The following SDC3 variants were observed in gnomAD, a reference collection of about 807,000 sequenced individuals.
SDC3 encodes syndecan 3.
In SDC3, 13 loss-of-function variants were observed where a neutral mutation model predicts 24.4. The ratio of observed to expected loss-of-function variants is 0.53; its 90% CI spans 0.35 to 0.85. The LOEUF is 0.85. Among genes scored for constraint, SDC3 ranks in the 40% least tolerant of loss-of-function variants. SDC3 has a pLI of 0.01. For missense variants in SDC3, 571 were observed against 584.5 expected (o/e 0.98, Z 0.24); for synonymous variants, 295 against 260.9 (o/e 1.13, Z -1.26).
intron 1 of SDC3, among the ~76,000 whole-genome samples, chr1:30,896,836 G>C (rs541402006): frequency 1.3e-5 from 2 of 152,260 alleles, no homozygotes; most frequent in African/African-American, 4.8e-5. Flanking sequence ...GGTGGCATGG[G>C]CCTGTAGTTC....
chr1:30,906,993 G>C (rs897643082), intron 1 of SDC3, among the ~76,000 whole-genome samples: 4 of 152,174 alleles, frequency 2.6e-5, no homozygotes, highest in African/African-American at 9.7e-5. Context: ...CCAGCTGACA[G>C]CCCCCTAGAT....
At position 30,878,676 on chromosome 1, in the gene SDC3, T is replaced by C. The variant is rs961327395; in HGVS notation, c.203A>G (p.Asp68Gly). Residue 68 changes from aspartate to glycine, a missense_variant, in exon 2 of 5, where the codon GAC becomes GGC. By Grantham distance (94) the Asp-to-Gly change is moderately conservative. Coordinates refer to ENST00000339394, the MANE Select transcript of SDC3 (RefSeq NM_014654.4). Reference protein sequence around the residue: ...PVDLEGSGDDDSFPDDELDDL... With the variant: ...PVDLEGSGDDGSFPDDELDDL... ...ATCCAGTTCATCATCGGGAAAGGAG[T>C]CATCATCCCCAGAGCCCTCCAGGTC... The C allele has an allele frequency of 8.1e-6, 13 of 1,613,344 alleles. No individual in the cohort carries two copies. The highest frequency in any genetic ancestry group is 1.1e-5 in the Non-Finnish European group (13 of 1,179,824).
At chr1:30,887,261 C>T (rs1261074007) in intron 1 of SDC3, among the ~76,000 whole-genome samples, 1 of 151,960 alleles carries the variant, frequency 6.6e-6, no homozygotes, top group Admixed American at 6.6e-5. Flanking sequence ...CCAGCAAACA[C>T]GGCAAGGGTT....
intron 1 of SDC3, among the ~76,000 whole-genome samples, chr1:30,881,695 C>T (rs1196001303): frequency 6.6e-6 from 1 of 152,244 alleles, no homozygotes; most frequent in Admixed American, 6.5e-5. Context: ...CTGCTGAGGG[C>T]CTGCCCCAGG....
chr1:30,870,078 A>T lies in SDC3; in HGVS notation c.*3133T>A. On this transcript the variant is annotated 3_prime_UTR_variant, in exon 5 of 5. Coordinates refer to ENST00000339394, the MANE Select transcript of SDC3 (RefSeq NM_014654.4). ...GTAGTTGTTGGGAGAAGAAATCCAG[A>T]GAACACAGGAGGCAGCCACTCCTAC... 1 of 396,440 alleles carries T rather than the reference A, an allele frequency of 2.5e-6. No homozygotes were observed. The highest frequency in any genetic ancestry group is 4.4e-6 in the Non-Finnish European group (1 of 225,270). The allele number at this position is 396,440 out of a possible 1,614,324, so 24.6% of individuals were successfully genotyped here.
intron 1 of SDC3, among the ~76,000 whole-genome samples, chr1:30,893,313 C>CA (rs1553139118): frequency 7.9e-6 from 1 of 127,148 alleles, no homozygotes; most frequent in Admixed American, 7.4e-5. Flanking sequence ...GCCCCCCCCC[C>CA]CCCCACCATG....
Position 30,873,175 on chromosome 1 carries a change from G to A in SDC3, c.*36C>T, listed in dbSNP as rs1351417109. On this transcript the variant is annotated 3_prime_UTR_variant, in exon 5 of 5. Transcript: ENST00000339394. ...GCCAGGCTGGGGACTGGACAGCAGG[G>A]TGGTGTTGAGGCTGCAGGGAGGCAC... The A allele has an allele frequency of 2.0e-6, 3 of 1,532,942 alleles. No homozygotes were observed. Among genetic ancestry groups the A allele is most frequent in the Admixed American group, 1.7e-5 (1 of 59,760 alleles). The allele number at this position is 1,532,942 out of a possible 1,614,324, so 95.0% of individuals were successfully genotyped here.
At chr1:30,879,788 G>A (rs1247340830) in intron 1 of SDC3, among the ~76,000 whole-genome samples, 1 of 152,174 alleles carries the variant, frequency 6.6e-6, no homozygotes, top group African/African-American at 2.4e-5. Flanking sequence ...CCCAACTGAA[G>A]TAAATGTGGG....
intron 1 of SDC3, among the ~76,000 whole-genome samples, chr1:30,886,640 TC>T (rs1195981011): frequency 2.0e-5 from 3 of 152,096 alleles, no homozygotes; most frequent in Non-Finnish European, 4.4e-5. Context: ...TGAGTCTAAA[TC>T]CTGTGTTCAG....
At chr1:30,894,678 CTGTG>C (rs1639974976) in intron 1 of SDC3, among the ~76,000 whole-genome samples, 1 of 28,952 alleles carries the variant, frequency 3.5e-5, no homozygotes, top group Admixed American at 3.7e-4. Context: ...GTGTGGATGA[CTGTG>C]AGTGTGTGGG....
intron 1 of SDC3, among the ~76,000 whole-genome samples, chr1:30,893,028 C>T (rs1639928684): frequency 6.6e-6 from 1 of 152,192 alleles, no homozygotes; most frequent in African/African-American, 2.4e-5. Flanking sequence ...AGCCCAACAG[C>T]CAAGTTGGGC....
Position 30,872,843 on chromosome 1 carries a change from G to GGT in SDC3, c.*367_*368insAC. On this transcript the variant is annotated 3_prime_UTR_variant, in exon 5 of 5. Transcript: ENST00000339394. ...TCTGCCCCAAAAAGGAGATCTCAGT[G>GGT]AGCACTGTGGGTGCCAAGTCAGGGC... 1 of 246,680 alleles carries GGT rather than the reference G, an allele frequency of 4.1e-6. No homozygotes were observed. Among genetic ancestry groups the GGT allele is most frequent in the Non-Finnish European group, 7.9e-6 (1 of 127,300 alleles). The allele number at this position is 246,680 out of a possible 1,614,324, so 15.3% of individuals were successfully genotyped here. A position where few individuals can be genotyped will look rare whatever the true frequency, so the allele number is the denominator to read the frequency against.
chr1:30,908,554 G>T lies in SDC3; in HGVS notation c.33C>A (p.Ala11=). The T allele has an allele frequency of 1.0e-6, 1 of 973,546 alleles. No individual in the cohort carries two copies. The highest frequency in any genetic ancestry group is 1.2e-6 in the Non-Finnish European group (1 of 823,292). 60.3% of individuals were successfully genotyped at this position (973,546 alleles called of 1,614,324 possible). A position where few individuals can be genotyped will look rare whatever the true frequency, so the allele number is the denominator to read the frequency against. The part of the protein sequence containing the change: MKPGPPHRAG[A]AHGAGAGAGA... Reference sequence around the variant, plus strand: ...CGGCCCCGGCGCCGGCCCCGTGGGCGGCCCCGGCACGGTGCGGCGGCCCCG... The same window carrying T: ...CGGCCCCGGCGCCGGCCCCGTGGGCTGCCCCGGCACGGTGCGGCGGCCCCG... Residue 11 remains alanine, a synonymous_variant, in exon 1 of 5, where the codon GCC becomes GCA. Transcript: ENST00000339394.
chr1:30,874,616 A>G, intron 3 of SDC3, 28 bp from the exon 4 acceptor site: 1 of 1,604,858 alleles, frequency 6.2e-7, no homozygotes, highest in Non-Finnish European at 8.5e-7. Flanking sequence ...TGAGCCCAGG[A>G]CAACCACACA....
intron 4 of SDC3, among the ~76,000 whole-genome samples, 171 bp downstream of exon 4, chr1:30,874,126 G>A (rs529532114): frequency 6.6e-6 from 1 of 152,256 alleles, no homozygotes; most frequent in Admixed American, 6.5e-5. Context: ...GTTGGGAGGA[G>A]CCAGAAGGCA....
chr1:30,894,266 T>G (rs76714834), intron 1 of SDC3, among the ~76,000 whole-genome samples: 6 of 114,126 alleles, frequency 5.3e-5, no homozygotes, highest in East Asian at 3.0e-4. Flanking sequence ...TGTGTGTGTG[T>G]GGGTGAGTGT....
At chr1:30,895,608 A>G (rs1041434264) in intron 1 of SDC3, among the ~76,000 whole-genome samples, 1 of 152,188 alleles carries the variant, frequency 6.6e-6, no homozygotes, top group African/African-American at 2.4e-5. Context: ...CCATTTCAGG[A>G]GGGACGGATG....
At chr1:30,906,063 C>A (rs1361786842) in intron 1 of SDC3, among the ~76,000 whole-genome samples, 1 of 152,128 alleles carries the variant, frequency 6.6e-6, no homozygotes, top group Non-Finnish European at 1.5e-5. Context: ...GCTCATCTAC[C>A]AAGGCCACCC....
intron 1 of SDC3, among the ~76,000 whole-genome samples, chr1:30,890,799 C>G (rs146965749): frequency 1.3e-5 from 2 of 152,294 alleles, no homozygotes; most frequent in Non-Finnish European, 2.9e-5. Context: ...TGTCTTGGCC[C>G]TGCTCACCTC....
Sources: allele counts gnomAD v4.1 joint callset (sites outside exome capture counted in the v4.1 genomes callset), GRCh38; gene constraint gnomAD v4.1.1; transcripts MANE v1.5; gene names NCBI Gene and HGNC (gene_info 2026-07-23, HGNC 2026-07-21).